Variants in TPH2 observed in about 807,000 individuals in gnomAD.
TPH2 encodes the protein tryptophan hydroxylase 2, also known as tryptophan 5-hydroxylase 2.
In TPH2, 27 loss-of-function variants were observed where a neutral mutation model predicts 59.1. The observed-to-expected ratio is 0.46, with a 90% CI of 0.34 to 0.63. The LOEUF is 0.63. Ranked by LOEUF, TPH2 falls within the 30% of genes least tolerant of loss-of-function variation. The probability of loss-of-function intolerance (pLI) is 0.01; values close to 1 mark genes in which losing one functional copy is unlikely to be tolerated. For synonymous variants in TPH2, 220 were observed against 210.5 expected (o/e 1.05, Z -0.39); for missense variants, 523 against 588.3 (o/e 0.89, Z 1.15).
At chr12:72,018,531 T>G (rs1412337861) in intron 8 of TPH2, among the ~76,000 whole-genome samples, 4 of 152,182 alleles carry the variant, frequency 2.6e-5, no homozygotes, top group African/African-American at 9.7e-5. Flanking sequence ...ATGAATTATG[T>G]ATGCATTGAT....
intron 7 of TPH2, among the ~76,000 whole-genome samples, chr12:71,991,467 G>C (rs950898104): frequency 5.3e-5 from 8 of 152,160 alleles, no homozygotes; most frequent in Non-Finnish European, 7.4e-5. Context: ...ATGTCAATGA[G>C]AGAATACTCA....
intron 7 of TPH2, among the ~76,000 whole-genome samples, chr12:71,992,855 A>C (rs1432139192): frequency 6.6e-6 from 1 of 152,188 alleles, no homozygotes; most frequent in Non-Finnish European, 1.5e-5. Flanking sequence ...TCATTTCTTC[A>C]TATGTAAAAT....
At position 71,941,568 on chromosome 12, in the gene TPH2, T is replaced by C. The variant is rs1871067689; in HGVS notation, c.106-16T>C. ...TAACTAATATTTTGTTTTATTATGC[T>C]TCGACATTCCTGAAGCTAAATAAAC... On this transcript the variant is annotated splice_polypyrimidine_tract_variant and intron_variant, in intron 1 of 10. Coordinates refer to ENST00000333850, the MANE Select transcript of TPH2 (RefSeq NM_173353.4). 1 of 1,613,016 alleles carries C rather than the reference T, an allele frequency of 6.2e-7. No individual in the cohort carries two copies. The highest frequency in any genetic ancestry group is 8.5e-7 in the Non-Finnish European group (1 of 1,179,512).
intron 5 of TPH2, chr12:71,961,454 G>A (rs755353989): frequency 3.1e-5 from 34 of 1,088,156 alleles, no homozygotes; most frequent in Non-Finnish European, 4.1e-5. Flanking sequence ...GAAAAAGATA[G>A]GGCCTAGTAG....
rs545883664 is a variant in TPH2, at chr12:71,945,000, A to G, written c.540+314A>G. On this transcript the variant is annotated intron_variant, in intron 4 of 10. Transcript: ENST00000333850. ...TACCTGCAGATGGTGATCCTTGGAA[A>G]AACGATGAACTGAAATTGATCATGC... 7.9e-5 allele frequency among the ~76,000 whole-genome samples: 12 copies of G among 152,324 alleles called. No homozygotes were observed. In the South Asian group the frequency reaches 2.5e-3, roughly 32 times the overall value.
At chr12:71,941,463 A>C (rs575351878) in intron 1 of TPH2, 121 bp from the exon 2 acceptor site, 119 of 1,267,310 alleles carry the variant, frequency 9.4e-5, no homozygotes, top group Non-Finnish European at 1.3e-4. Context: ...ACTTCACCTT[A>C]AGTTTGTATG....
At chr12:72,002,885 G>A (rs966240054) in intron 8 of TPH2, among the ~76,000 whole-genome samples, 6 of 151,958 alleles carry the variant, frequency 3.9e-5, no homozygotes, top group Non-Finnish European at 7.4e-5. Flanking sequence ...TGGGGCTTTT[G>A]GTGGTCATGA....
intron 5 of TPH2, among the ~76,000 whole-genome samples, chr12:71,972,203 C>T (rs561250418): frequency 6.6e-6 from 1 of 152,256 alleles, no homozygotes; most frequent in East Asian, 1.9e-4. Flanking sequence ...TAGTTTTGTA[C>T]CTAAACCAGT....
chr12:71,962,443 G>T, intron 5 of TPH2: 1 of 985,390 alleles, frequency 1.0e-6, no homozygotes, highest in African/African-American at 1.7e-5. Flanking sequence ...GTGACTGAGT[G>T]ATGATGTCTA....
intron 2 of TPH2, 54 bp downstream of exon 2, chr12:71,941,787 A>C (rs1871077247): frequency 6.5e-7 from 1 of 1,543,216 alleles, no homozygotes; most frequent in Non-Finnish European, 9.0e-7. Context: ...GCCTGGGTAC[A>C]AACCTGTTAT....
At position 71,974,532 on chromosome 12, in the gene TPH2, A is replaced by G. The variant is rs542391416; in HGVS notation, c.805+1817A>G. Among the ~76,000 whole-genome samples the G allele has an allele frequency of 6.4e-5, 7 of 108,812 alleles. No homozygotes were observed. In the South Asian group the frequency reaches 2.1e-3, roughly 33 times the overall value. The allele number at this position is 108,812 out of a possible 152,430, so 71.4% of individuals were successfully genotyped here. On this transcript the variant is annotated intron_variant, in intron 6 of 10. Transcript: ENST00000333850. ...ACCCTTCTGCCTCCCTCTGATAAGG[A>G]CTCTTATGATTATATTGGCCCCACC... is the stretch of plus-strand genomic sequence containing the variant.
intron 8 of TPH2, among the ~76,000 whole-genome samples, chr12:72,006,662 A>G (rs999049834): frequency 6.6e-6 from 1 of 152,158 alleles, no homozygotes; most frequent in Non-Finnish European, 1.5e-5. Context: ...TCTTGCTAAC[A>G]TTGGACAATG....
At chr12:71,966,910 G>T (rs1871833598) in intron 5 of TPH2, among the ~76,000 whole-genome samples, 1 of 152,098 alleles carries the variant, frequency 6.6e-6, no homozygotes, top group Non-Finnish European at 1.5e-5. Flanking sequence ...GACTCCAGGA[G>T]GCAGCCAGGA....
intron 8 of TPH2, among the ~76,000 whole-genome samples, chr12:72,001,051 G>T (rs1872809268): frequency 6.6e-6 from 1 of 152,174 alleles, no homozygotes; most frequent in African/African-American, 2.4e-5. Flanking sequence ...AAAGGCATTT[G>T]AAACAGACAA....
At chr12:71,977,742 C>A (rs943244614) in intron 6 of TPH2, among the ~76,000 whole-genome samples, 4 of 152,054 alleles carry the variant, frequency 2.6e-5, no homozygotes, top group Admixed American at 6.5e-5. Flanking sequence ...AAGAACCTAT[C>A]GACGATGTTG....
At chr12:71,974,728 G>T (rs1258758093) in intron 6 of TPH2, among the ~76,000 whole-genome samples, 2 of 152,124 alleles carry the variant, frequency 1.3e-5, no homozygotes, top group Non-Finnish European at 2.9e-5. Flanking sequence ...GCCACTTATG[G>T]CTTCATGACA....
intron 5 of TPH2, among the ~76,000 whole-genome samples, chr12:71,953,956 G>A (rs1412696941): frequency 2.0e-5 from 3 of 152,108 alleles, no homozygotes; most frequent in African/African-American, 7.2e-5. Context: ...TAAGGAGAAG[G>A]CAAAGAAATG....
At chr12:71,993,591 G>A (rs1003631862) in intron 7 of TPH2, among the ~76,000 whole-genome samples, 4 of 152,228 alleles carry the variant, frequency 2.6e-5, no homozygotes, top group Admixed American at 6.5e-5. Context: ...TCAGGCAAAT[G>A]AGAGAGGTTC....
intron 8 of TPH2, among the ~76,000 whole-genome samples, chr12:71,996,185 G>A (rs1255852424): frequency 6.6e-6 from 1 of 152,240 alleles, no homozygotes; most frequent in African/African-American, 2.4e-5. Flanking sequence ...TTGGCAGGAG[G>A]CCTCGGTTCC....
Sources: gnomAD v4.1 joint callset for allele counts (sites outside exome capture counted in the v4.1 genomes callset) on GRCh38, gnomAD v4.1.1 for gene constraint, MANE v1.5 for transcripts, NCBI Gene and HGNC (gene_info 2026-07-23, HGNC 2026-07-21) for gene names.